Variants in CXCL11 observed in about 807,000 individuals in gnomAD.
CXCL11 encodes the protein C-X-C motif chemokine 11.
Under a neutral mutation model 9.7 loss-of-function variants are expected in CXCL11, and 7 were observed. The ratio of observed to expected loss-of-function variants is 0.72; its 90% CI spans 0.41 to 1.36. CXCL11 has a LOEUF of 1.36. CXCL11 is among the 40% of genes most tolerant of loss of function. The pLI is 0.01. For missense variants in CXCL11, 107 were observed against 113.4 expected (o/e 0.94, Z 0.26); for synonymous variants, 35 against 34.4 (o/e 1.02, Z -0.06).
rs770546473 is a variant in CXCL11, at chr4:76,034,497, C to T, written c.*296G>A. 1.5e-5 allele frequency: 8 copies of T among 519,888 alleles called. No individual in the cohort carries two copies. Among genetic ancestry groups the T allele is most frequent in the Middle Eastern group, 4.8e-4 (1 of 2,086 alleles). The allele number at this position is 519,888 out of a possible 1,614,324, so 32.2% of individuals were successfully genotyped here. ...TAAGAACGTGAAAGCACTTTGTAAA[C>T]TCCGATGGTAACCAGCCTTTCTTAA... is the stretch of plus-strand genomic sequence containing the variant. On this transcript the variant is annotated 3_prime_UTR_variant, in exon 4 of 4. Transcript: ENST00000306621.
Position 76,034,470 on chromosome 4 carries a change from A to C in CXCL11, c.*323T>G. 2 of 515,346 alleles carry C rather than the reference A, an allele frequency of 3.9e-6. No homozygotes were observed. The highest frequency in any genetic ancestry group is 6.7e-5 in the South Asian group (2 of 29,814). 31.9% of individuals were successfully genotyped at this position (515,346 alleles called of 1,614,324 possible). A position where few individuals can be genotyped will look rare whatever the true frequency, so the allele number is the denominator to read the frequency against. ...AAATGCATGAATGTATAATGCAACA[A>C]GTAAGAACGTGAAAGCACTTTGTAA... On this transcript the variant is annotated 3_prime_UTR_variant, in exon 4 of 4. Coordinates refer to ENST00000306621, the MANE Select transcript of CXCL11 (RefSeq NM_005409.5).
At position 76,034,095 on chromosome 4, in the gene CXCL11, G is replaced by A. The variant is rs9994667; in HGVS notation, c.*698C>T. 41,446 of 195,240 alleles carry A rather than the reference G, an allele frequency of 0.21. 5,220 individuals are homozygous for A. The highest frequency in any genetic ancestry group is 0.39 in the East Asian group (3,220 of 8,208). 12.1% of individuals were successfully genotyped at this position (195,240 alleles called of 1,614,324 possible). A position where few individuals can be genotyped will look rare whatever the true frequency, so the allele number is the denominator to read the frequency against. The stretch of plus-strand genomic sequence containing the variant: ...TGCACTTTTGCCAGTATCCCATAGC[G>A]TATAATTTTTTTCATAGTACATTTT... On this transcript the variant is annotated 3_prime_UTR_variant, in exon 4 of 4. Transcript: ENST00000306621.
rs757150443 is a variant in CXCL11, at chr4:76,035,331, A to G, written c.73T>C (p.Phe25Leu). The change falls in exon 2 of 4, where the codon TTC becomes CTC. Residue 25 changes from phenylalanine to leucine, a missense_variant. Coordinates refer to ENST00000306621, the MANE Select transcript of CXCL11 (RefSeq NM_005409.5). The stretch of plus-strand genomic sequence containing the variant: ...ATGCAAAGACAGCGTCCTCTTTTGA[A>G]CATGGGGAAGCCTAGAATAGATCAT... ...CATVVQGFPM[F>L]KRGRCLCIGP... 29 of 1,613,894 alleles carry G rather than the reference A, an allele frequency of 1.8e-5. No homozygotes were observed. In the East Asian group the frequency reaches 6.0e-4, roughly 33 times the overall value.
In CXCL11 at chr4:76,033,798, G is replaced by A. The variant is rs935179132; in HGVS notation, c.*995C>T. On this transcript the variant is annotated 3_prime_UTR_variant, in exon 4 of 4. Coordinates refer to ENST00000306621, the MANE Select transcript of CXCL11 (RefSeq NM_005409.5). ...GTATATAGGCATGAACAAAGAAATT[G>A]ATTAGATTATGTATTTTTCTAAGAG... The A allele has an allele frequency of 8.5e-5, 13 of 152,256 alleles. No individual in the cohort carries two copies. The highest frequency in any genetic ancestry group is 1.6e-4 in the Non-Finnish European group (11 of 68,006). The allele number at this position is 152,256 out of a possible 1,614,324, so 9.4% of individuals were successfully genotyped here.
chr4:76,035,498 G>GT (rs1432204441), intron 1 of CXCL11, among the ~76,000 whole-genome samples, 156 bp from the exon 2 acceptor site: 1 of 152,208 alleles, frequency 6.6e-6, no homozygotes, highest in Admixed American at 6.5e-5. Context: ...GAAAAGTTAA[G>GT]TAAGATGTTG....
At chr4:76,034,849 G>C (rs367653764) in intron 3 of CXCL11, 33 bp from the exon 4 acceptor site, 6 of 1,549,272 alleles carry the variant, frequency 3.9e-6, no homozygotes, top group Non-Finnish European at 5.3e-6. Context: ...TTATTTACTT[G>C]GGCTGTTCTT....
Position 76,034,662 on chromosome 4 carries a change from T to C in CXCL11, c.*131A>G. On this transcript the variant is annotated 3_prime_UTR_variant, in exon 4 of 4. Coordinates refer to ENST00000306621, the MANE Select transcript of CXCL11 (RefSeq NM_005409.5). Reference sequence around the variant, plus strand: ...CATCCTTCACATAACTGTACAAAAGTTGAAAGTCACAAAACCATAGAAAAG... The same window carrying C: ...CATCCTTCACATAACTGTACAAAAGCTGAAAGTCACAAAACCATAGAAAAG... 1.3e-6 allele frequency: 1 copy of C among 770,806 alleles called. No homozygotes were observed. The highest frequency in any genetic ancestry group is 2.9e-5 in the Admixed American group (1 of 34,756). 47.7% of individuals were successfully genotyped at this position (770,806 alleles called of 1,614,324 possible). A position where few individuals can be genotyped will look rare whatever the true frequency, so the allele number is the denominator to read the frequency against.
At position 76,035,133 on chromosome 4, in the gene CXCL11, A is replaced by C. The variant is rs1734243213; in HGVS notation, c.189-14T>G. The C allele has an allele frequency of 6.4e-7, 1 of 1,553,584 alleles. No individual in the cohort carries two copies. Among genetic ancestry groups the C allele is most frequent in the Non-Finnish European group, 8.6e-7 (1 of 1,160,158 alleles). ...TTCAGGGTAATACTGTTAAAAGAAC[A>C]TACAAGAGTCTTAAAGTTTAGATGC... On this transcript the variant is annotated splice_polypyrimidine_tract_variant and intron_variant, in intron 2 of 3. Transcript: ENST00000306621.
chr4:76,034,972 C>T, intron 3 of CXCL11, 75 bp downstream of exon 3: 3 of 1,442,826 alleles, frequency 2.1e-6, no homozygotes, highest in Non-Finnish European at 2.9e-6. Flanking sequence ...CTGTAGTTGT[C>T]CACATTATTT....
In CXCL11 at chr4:76,035,227, T is replaced by G; in HGVS notation, c.177A>C (p.Lys59Asn). Residue 59 changes from lysine (K) to asparagine (N), a missense_variant, in exon 2 of 4, where the codon AAA (lysine) becomes AAC (asparagine). By Grantham distance (94) the Lys-to-Asn change is moderately conservative (BLOSUM62 0). Transcript: ENST00000306621. ...AGTTCATTACTTACATCACTTCTATTTTGTCACAGTTGTTACTTGGGTACA... is the reference window on the plus strand; with the variant it reads ...AGTTCATTACTTACATCACTTCTATGTTGTCACAGTTGTTACTTGGGTACA... ...SIMYPSNNCDKIEVIITLKEN... is the reference protein window; with the variant it reads ...SIMYPSNNCDNIEVIITLKEN... 1 of 1,614,110 alleles carries G rather than the reference T, an allele frequency of 6.2e-7. No homozygotes were observed. Among genetic ancestry groups the G allele is most frequent in the Non-Finnish European group, 8.5e-7 (1 of 1,179,954 alleles).
At position 76,035,124 on chromosome 4, in the gene CXCL11, T is replaced by TA. The variant is rs776868126; in HGVS notation, c.189-6dup. ...TTATTTTCTTTCAGGGTAATACTGT[T>TA]AAAAGAACATACAAGAGTCTTAAAG... On this transcript the variant is annotated splice_region_variant and splice_polypyrimidine_tract_variant and intron_variant, in intron 2 of 3. Coordinates refer to ENST00000306621, the MANE Select transcript of CXCL11 (RefSeq NM_005409.5). The TA allele has an allele frequency of 2.6e-6, 4 of 1,558,962 alleles. No individual in the cohort carries two copies. In the South Asian group the frequency reaches 3.3e-5, roughly 13 times the overall value.
rs747293649 is a variant in CXCL11, at chr4:76,036,035, T to A, written c.-48A>T. The A allele has an allele frequency of 2.6e-6, 4 of 1,567,064 alleles. No individual in the cohort carries two copies. Among genetic ancestry groups the A allele is most frequent in the Non-Finnish European group, 3.5e-6 (4 of 1,139,456 alleles). ...TGGTGCTGCTGCTGCTACTTCAGCT[T>A]TGCTGCTCTTCTTGGAAGGAGTAGA... On this transcript the variant is annotated 5_prime_UTR_variant, in exon 1 of 4. Transcript: ENST00000306621.
At position 76,034,049 on chromosome 4, in the gene CXCL11, C is replaced by G; in HGVS notation, c.*744G>C. The G allele has an allele frequency of 6.1e-6, 1 of 163,730 alleles. No individual in the cohort carries two copies. The highest frequency in any genetic ancestry group is 1.3e-5 in the Non-Finnish European group (1 of 76,038). 10.1% of individuals were successfully genotyped at this position (163,730 alleles called of 1,614,324 possible). On this transcript the variant is annotated 3_prime_UTR_variant, in exon 4 of 4. Coordinates refer to ENST00000306621, the MANE Select transcript of CXCL11 (RefSeq NM_005409.5). ...AAACATCAAATTAAGACTGGTGCTA[C>G]TAATTTGGTTATGAAATATGTGCAC...
chr4:76,036,017 G>T lies in CXCL11; in HGVS notation c.-30C>A. 1 of 1,607,204 alleles carries T rather than the reference G, an allele frequency of 6.2e-7. No individual in the cohort carries two copies. Among genetic ancestry groups the T allele is most frequent in the Non-Finnish European group, 8.5e-7 (1 of 1,175,224 alleles). On this transcript the variant is annotated 5_prime_UTR_variant, in exon 1 of 4. Coordinates refer to ENST00000306621, the MANE Select transcript of CXCL11 (RefSeq NM_005409.5). ...GTTTTTTGCTGTTGCTGCTGGTGCT[G>T]CTGCTGCTACTTCAGCTTTGCTGCT...
chr4:76,035,256 T>G lies in CXCL11; in HGVS notation c.148A>C (p.Ile50Leu). The change falls in exon 2 of 4, where the codon ATA (isoleucine) becomes CTA (leucine). Residue 50 changes from isoleucine to leucine, a missense_variant. Ile to Leu is a conservative substitution (Grantham distance 5). Coordinates refer to ENST00000306621, the MANE Select transcript of CXCL11 (RefSeq NM_005409.5). ...TCACAGTTGTTACTTGGGTACATTA[T>G]GGAGGCTTTCTCAATATCTGCCACT... ...VKVADIEKAS[I>L]MYPSNNCDKI... 6.2e-7 allele frequency: 1 copy of G among 1,614,148 alleles called. No individual in the cohort carries two copies.
In CXCL11 at chr4:76,035,338, G is replaced by A; in HGVS notation, c.66C>T (p.Phe22=). 6.2e-7 allele frequency: 1 copy of A among 1,613,864 alleles called. No individual in the cohort carries two copies. Among genetic ancestry groups the A allele is most frequent in the East Asian group, 2.2e-5 (1 of 44,872 alleles). ...GACAGCGTCCTCTTTTGAACATGGG[G>A]AAGCCTAGAATAGATCATAGCATTA... ...VILCATVVQG[F]PMFKRGRCLC... The change falls in exon 2 of 4, where the codon TTC becomes TTT. Residue 22 remains phenylalanine, a synonymous_variant. Transcript: ENST00000306621.
intron 1 of CXCL11, 62 bp from the exon 2 acceptor site, chr4:76,035,404 T>C: frequency 1.3e-6 from 2 of 1,557,162 alleles, no homozygotes; most frequent in Non-Finnish European, 1.8e-6. Context: ...CTGTGGTTTA[T>C]AGCTGGTGGT....
At chr4:76,035,835 T>G in intron 1 of CXCL11, 92 bp downstream of exon 1, 4 of 1,169,546 alleles carry the variant, frequency 3.4e-6, no homozygotes, top group South Asian at 2.7e-5. Context: ...AAATAAAACT[T>G]TATCATGTCT....
Position 76,034,701 on chromosome 4 carries a change from C to T in CXCL11, c.*92G>A. Reference sequence around the variant, plus strand: ...ACCATAGAAAAGTCTCAGTTTCCTACTGTAGAATTCTTGTCATTTCAGTAG... The same window carrying T: ...ACCATAGAAAAGTCTCAGTTTCCTATTGTAGAATTCTTGTCATTTCAGTAG... On this transcript the variant is annotated 3_prime_UTR_variant, in exon 4 of 4. Transcript: ENST00000306621. 6.2e-6 allele frequency: 6 copies of T among 972,328 alleles called. No homozygotes were observed. The highest frequency in any genetic ancestry group is 9.5e-6 in the Non-Finnish European group (6 of 633,942). The allele number at this position is 972,328 out of a possible 1,614,324, so 60.2% of individuals were successfully genotyped here. A position where few individuals can be genotyped will look rare whatever the true frequency, so the allele number is the denominator to read the frequency against.
Sources: allele counts gnomAD v4.1 joint callset (sites outside exome capture counted in the v4.1 genomes callset), GRCh38; gene constraint gnomAD v4.1.1; transcripts MANE v1.5; gene names NCBI Gene and HGNC (gene_info 2026-07-23, HGNC 2026-07-21).